Variants in TMEM132D observed in about 807,000 individuals in gnomAD.
TMEM132D encodes mature OL transmembrane protein.
Under a neutral mutation model 62.3 loss-of-function variants are expected in TMEM132D, and 21 were observed. The observed-to-expected ratio is 0.34, with a 90% confidence interval of 0.24 to 0.49. TMEM132D has a LOEUF of 0.49. Ranked by LOEUF, TMEM132D falls within the 20% of genes least tolerant of loss-of-function variation. TMEM132D has a pLI of 0.99. For missense variants in TMEM132D, 1,346 were observed against 1,402.8 expected (o/e 0.96, Z 0.65); for synonymous variants, 621 against 575.6 (o/e 1.08, Z -1.13).
At chr12:129,430,540 C>T (rs181490137) in intron 3 of TMEM132D, among the ~76,000 whole-genome samples, 12 of 152,134 alleles carry the variant, frequency 7.9e-5, no homozygotes, top group South Asian at 6.2e-4. Flanking sequence ...TGGGCTTAAG[C>T]GATACTCCTG....
intron 1 of TMEM132D, among the ~76,000 whole-genome samples, chr12:129,776,911 G>A (rs139754117): frequency 3.3e-5 from 5 of 152,152 alleles, no homozygotes; most frequent in African/African-American, 7.2e-5. Context: ...ACACCTTTGG[G>A]TAGGAAAATA....
intron 1 of TMEM132D, among the ~76,000 whole-genome samples, chr12:129,822,077 C>T (rs945380300): frequency 5.9e-5 from 9 of 152,082 alleles, no homozygotes; most frequent in African/African-American, 1.9e-4. Context: ...ATCAGAGAGA[C>T]AATCTGAGAC....
intron 2 of TMEM132D, among the ~76,000 whole-genome samples, chr12:129,581,604 G>T (rs1280718500): frequency 6.6e-6 from 1 of 152,202 alleles, no homozygotes; most frequent in African/African-American, 2.4e-5. Flanking sequence ...GAAGCATCCA[G>T]CATGGGAGAA....
intron 2 of TMEM132D, among the ~76,000 whole-genome samples, chr12:129,588,411 T>C (rs1878090727): frequency 6.6e-6 from 1 of 152,170 alleles, no homozygotes; most frequent in Non-Finnish European, 1.5e-5. Flanking sequence ...CAATTGTAAA[T>C]GTTAAGTTTG....
At chr12:129,324,203 C>A (rs1486941763) in intron 4 of TMEM132D, among the ~76,000 whole-genome samples, 2 of 152,118 alleles carry the variant, frequency 1.3e-5, no homozygotes. Flanking sequence ...CTTAGCCTGG[C>A]CTGGGTATCT....
intron 1 of TMEM132D, among the ~76,000 whole-genome samples, chr12:129,902,083 G>A (rs1875377150): frequency 6.6e-6 from 1 of 152,120 alleles, no homozygotes; most frequent in South Asian, 2.1e-4. Context: ...AGGGAAGGAG[G>A]GGGAACGTAA....
At chr12:129,441,948 T>A (rs1872948578) in intron 3 of TMEM132D, among the ~76,000 whole-genome samples, 1 of 152,072 alleles carries the variant, frequency 6.6e-6, no homozygotes, top group African/African-American at 2.4e-5. Flanking sequence ...CTCATGGACA[T>A]AAAGATGGCA....
At chr12:129,108,940 T>C (rs1875591071) in intron 5 of TMEM132D, among the ~76,000 whole-genome samples, 1 of 152,234 alleles carries the variant, frequency 6.6e-6, no homozygotes, top group Admixed American at 6.5e-5. Flanking sequence ...TTCTGATTCA[T>C]TTCCAAGGAA....
At chr12:129,717,929 G>T (rs781114568) in intron 1 of TMEM132D, among the ~76,000 whole-genome samples, 1 of 152,152 alleles carries the variant, frequency 6.6e-6, no homozygotes, top group African/African-American at 2.4e-5. Context: ...TCAGTGAGCC[G>T]TGCTGGTCGC....
chr12:129,739,787 C>G (rs1414036140), intron 1 of TMEM132D, among the ~76,000 whole-genome samples: 1 of 152,140 alleles, frequency 6.6e-6, no homozygotes, highest in Non-Finnish European at 1.5e-5. Context: ...ATGAGGTCTT[C>G]TACAGATGAA....
rs115524952 is a variant in TMEM132D, at chr12:129,685,877, C to T, written c.968+13933G>A. 5.8e-3 allele frequency among the ~76,000 whole-genome samples: 880 copies of T among 152,318 alleles called. 6 individuals are homozygous for T. Among genetic ancestry groups the T allele is most frequent in the African/African-American group, 0.02 (850 of 41,572 alleles). ...GGAGTCAAAGTAGATTATGTGGGAA[C>T]TTCAAGATTAATTACCGCTTCATTG... On this transcript the variant is annotated intron_variant, in intron 2 of 8. Transcript: ENST00000422113.
At chr12:129,535,770 T>G (rs796695305) in intron 2 of TMEM132D, among the ~76,000 whole-genome samples, 1 of 122,882 alleles carries the variant, frequency 8.1e-6, no homozygotes, top group Non-Finnish European at 1.8e-5. Context: ...CATTTAAGAT[T>G]TGTGTGCGTG....
chr12:129,100,670 A>T (rs79450997), intron 5 of TMEM132D, among the ~76,000 whole-genome samples: 1,943 of 152,336 alleles, frequency 0.013, 53 homozygotes, highest in African/African-American at 0.044. Context: ...AGTATTGCCC[A>T]TGTCTTACAG....
chr12:129,267,696 T>C (rs540006896), intron 4 of TMEM132D, among the ~76,000 whole-genome samples: 3 of 150,240 alleles, frequency 2.0e-5, no homozygotes, highest in African/African-American at 7.3e-5. Context: ...AAAGTTCATA[T>C]GGAACCAAAA....
At chr12:129,250,476 C>T (rs1356169277) in intron 4 of TMEM132D, among the ~76,000 whole-genome samples, 1 of 152,180 alleles carries the variant, frequency 6.6e-6, no homozygotes, top group Non-Finnish European at 1.5e-5. Flanking sequence ...TCAATTTCCT[C>T]AACAGCGCCA....
At chr12:129,841,408 G>C (rs906724353) in intron 1 of TMEM132D, among the ~76,000 whole-genome samples, 1 of 152,088 alleles carries the variant, frequency 6.6e-6, no homozygotes, top group Non-Finnish European at 1.5e-5. Context: ...CATTCATTCG[G>C]GGCTGAGACA....
intron 3 of TMEM132D, among the ~76,000 whole-genome samples, chr12:129,346,123 A>C (rs1426571894): frequency 2.0e-5 from 3 of 152,062 alleles, no homozygotes; most frequent in Non-Finnish European, 4.4e-5. Context: ...AGAACTTGTT[A>C]TTGGTCTATT....
intron 3 of TMEM132D, among the ~76,000 whole-genome samples, chr12:129,438,256 C>T (rs984726571): frequency 1.2e-4 from 19 of 152,050 alleles, no homozygotes; most frequent in African/African-American, 4.6e-4. Context: ...GGTATATACC[C>T]AGTAATGGGA....
At chr12:129,189,549 A>G (rs1878324658) in intron 5 of TMEM132D, among the ~76,000 whole-genome samples, 1 of 152,074 alleles carries the variant, frequency 6.6e-6, no homozygotes, top group Non-Finnish European at 1.5e-5. Flanking sequence ...AGCTGCCCAT[A>G]GCCCACCGTG....
Sources: allele counts gnomAD v4.1 joint callset (sites outside exome capture counted in the v4.1 genomes callset), GRCh38; gene constraint gnomAD v4.1.1; transcripts MANE v1.5; gene names NCBI Gene and HGNC (gene_info 2026-07-23, HGNC 2026-07-21).